MYO15B: variants seen among roughly 807,000 people sequenced by gnomAD.
The protein encoded by MYO15B is myosin XVB.
MYO15B carries 207 observed loss-of-function variants against 119.3 expected under a neutral mutation model. The observed-to-expected ratio is 1.73, with a 90% confidence interval of 1.55 to 1.95. The LOEUF is 1.95. MYO15B is among the 30% of genes most tolerant of loss of function. MYO15B has a pLI of 0.00. For missense variants in MYO15B, 2,264 were observed against 1,203.1 expected (o/e 1.88, Z -13.04); for synonymous variants, 966 against 498.9 (o/e 1.94, Z -12.48).
intron 21 of MYO15B, among the ~76,000 whole-genome samples, chr17:75,607,365 AAAGTTCATCCATGTTGTAGC>A (rs2057722570): frequency 6.6e-6 from 1 of 151,898 alleles, no homozygotes; most frequent in South Asian, 2.1e-4. Flanking sequence ...ATAATGTTTC[AAAGTTCATCCATGTTGTAGC>A]ATGTGTCAGA....
chr17:75,624,054 C>T lies in MYO15B; in HGVS notation c.8262C>T (p.Gly2754=), dbSNP rs988731082. 8 of 702,918 alleles carry T rather than the reference C, an allele frequency of 1.1e-5. No individual in the cohort carries two copies. In the Admixed American group the frequency reaches 1.2e-4, roughly 11 times the overall value. The allele number at this position is 702,918 out of a possible 1,614,324, so 43.5% of individuals were successfully genotyped here. A position where few individuals can be genotyped will look rare whatever the true frequency, so the allele number is the denominator to read the frequency against. ...TGACCAAGTTTCTGCAGGATTCAGG[C>T]CCCAGCCAAGGTGCCCGTGGGAAGG... is the stretch of plus-strand genomic sequence containing the variant. Residue 2754 remains glycine (G), a synonymous_variant, in exon 55 of 64, where the codon GGC becomes GGT. Coordinates refer to ENST00000645453, the Ensembl canonical transcript of MYO15B.
exon 3 of MYO15B, chr17:75,590,964 TCACCTGAGG>T: frequency 1.8e-6 from 1 of 565,564 alleles, no homozygotes; most frequent in African/African-American, 1.9e-5. Context: ...GCCTCTTTTT[TCACCTGAGG>T]TCCAGGCAAG....
At chr17:75,626,372 G>C (rs765150925) in intron 63 of MYO15B, 35 bp from the exon 64 acceptor site, 45 of 702,822 alleles carry the variant, frequency 6.4e-5, no homozygotes, top group African/African-American at 1.7e-5. Context: ...GGGCTGGCTG[G>C]GGAGCCCTCT....
intron 22 of MYO15B, 85 bp downstream of exon 22, chr17:75,610,344 CCT>C (rs1037582376): frequency 1.2e-5 from 7 of 601,842 alleles, no homozygotes; most frequent in African/African-American, 1.1e-4. Context: ...CAGCGTTGAC[CCT>C]CTCAGCCCGG....
intron 53 of MYO15B, among the ~76,000 whole-genome samples, chr17:75,623,000 G>C (rs1195523498): frequency 1.3e-5 from 2 of 152,178 alleles, no homozygotes; most frequent in East Asian, 3.9e-4. Context: ...TCAGAGGTCA[G>C]GGAGTTAAGG....
chr17:75,588,096 G>A (rs1044859873), exon 1 of MYO15B: 2 of 398,200 alleles, frequency 5.0e-6, no homozygotes, highest in Admixed American at 4.4e-5. Context: ...AGCGCCTGGA[G>A]AGGCCCGGGA....
At chr17:75,602,893 C>T (rs1208579716) in exon 17 of MYO15B, 2 of 686,858 alleles carry the variant, frequency 2.9e-6, no homozygotes, top group Admixed American at 4.1e-5. Flanking sequence ...CAGACCCACG[C>T]TGGCCTCTCG....
intron 14 of MYO15B, among the ~76,000 whole-genome samples, chr17:75,600,323 G>A (rs751814427): frequency 6.0e-5 from 9 of 151,078 alleles, no homozygotes; most frequent in Admixed American, 2.0e-4. Context: ...CACCGCGTCC[G>A]GCCTAAGAGT....
chr17:75,612,004 C>T, exon 25 of MYO15B: 1 of 703,026 alleles, frequency 1.4e-6, no homozygotes, highest in Non-Finnish European at 2.6e-6. Flanking sequence ...GCTTCGTCGC[C>T]ATCGGCTTTC....
chr17:75,612,100 C>T (rs996437709), intron 25 of MYO15B, 84 bp downstream of exon 25: 16 of 668,082 alleles, frequency 2.4e-5, no homozygotes, highest in Non-Finnish European at 3.3e-5. Context: ...TTTTTTTCCC[C>T]GCTGTCAGCT....
exon 60 of MYO15B, chr17:75,625,226 A>C (rs1043110484): frequency 4.3e-5 from 30 of 701,610 alleles, no homozygotes; most frequent in Non-Finnish European, 1.6e-5. Flanking sequence ...GCCAACAGGA[A>C]TACCCCCTCA....
chr17:75,588,381 G>T (rs1340362676), exon 1 of MYO15B: 1 of 398,514 alleles, frequency 2.5e-6, no homozygotes, highest in Non-Finnish European at 4.4e-6. Context: ...GCCGCGGGGG[G>T]CGCCTGGAGG....
intron 47 of MYO15B, 27 bp from the exon 48 acceptor site, chr17:75,620,219 T>C (rs1337975325): frequency 1.4e-6 from 1 of 702,132 alleles, no homozygotes; most frequent in African/African-American, 1.7e-5. Flanking sequence ...GACTTGCTGC[T>C]CCAGGCCCTC....
intron 14 of MYO15B, among the ~76,000 whole-genome samples, chr17:75,600,106 A>C (rs537118147): frequency 1.4e-5 from 2 of 141,780 alleles, no homozygotes; most frequent in African/African-American, 5.3e-5. Context: ...TCACTGCTGC[A>C]AACTCCGCCT....
chr17:75,607,631 A>G (rs189522647), intron 21 of MYO15B, among the ~76,000 whole-genome samples: 1,635 of 151,664 alleles, frequency 0.011, 17 homozygotes, highest in Non-Finnish European at 0.018. Flanking sequence ...CTAATTTTTC[A>G]TATTTTCAGT....
At chr17:75,600,181 C>T (rs955268547) in intron 14 of MYO15B, among the ~76,000 whole-genome samples, 2 of 151,302 alleles carry the variant, frequency 1.3e-5, no homozygotes, top group Non-Finnish European at 2.9e-5. Context: ...TGCCCGCCAC[C>T]ATGCCCGGCT....
chr17:75,595,326 G>A (rs1272417093), intron 12 of MYO15B, among the ~76,000 whole-genome samples: 1 of 152,164 alleles, frequency 6.6e-6, no homozygotes, highest in East Asian at 1.9e-4. Flanking sequence ...GTCCTGGGCT[G>A]GGCAGCCTGG....
chr17:75,621,432 C>A, intron 51 of MYO15B, 24 bp downstream of exon 51: 1 of 699,500 alleles, frequency 1.4e-6, no homozygotes, highest in Non-Finnish European at 2.6e-6. Flanking sequence ...AGGGAGGGGT[C>A]TGGCCCGTAG....
intron 21 of MYO15B, chr17:75,607,230 C>G (rs1344172756): frequency 2.9e-6 from 1 of 350,538 alleles, no homozygotes; most frequent in African/African-American, 2.1e-5. Context: ...ACTATTGCCC[C>G]CAAGACCCCC....
Sources: gnomAD v4.1 joint callset for allele counts (sites outside exome capture counted in the v4.1 genomes callset) on GRCh38, gnomAD v4.1.1 for gene constraint, MANE v1.5 for transcripts, NCBI Gene and HGNC (gene_info 2026-07-23, HGNC 2026-07-21) for gene names.